Variants in TNIK observed in about 807,000 individuals in gnomAD.
The protein encoded by TNIK is TRAF2 and NCK interacting kinase.
TNIK carries 49 observed loss-of-function variants against 191.3 expected under a neutral mutation model. The ratio of observed to expected loss-of-function variants is 0.26; its 90% confidence interval spans 0.20 to 0.32. The LOEUF is 0.32. TNIK is among the 10% of genes least tolerant of loss of function. TNIK has a pLI of 1.00. For synonymous variants in TNIK, 594 were observed against 600.9 expected, an observed-to-expected ratio of 0.99 and a Z score of 0.17; for missense variants, 1,155 against 1,702.3, an observed-to-expected ratio of 0.68 and a Z score of 5.66.
chr3:171,264,525 T>C (rs1748138812), intron 2 of TNIK, among the ~76,000 whole-genome samples: 1 of 151,936 alleles, frequency 6.6e-6, no homozygotes, highest in Admixed American at 6.6e-5. Context: ...CCGACTAATT[T>C]TGTATTTTTA....
At chr3:171,243,482 C>A (rs1745225776) in intron 2 of TNIK, among the ~76,000 whole-genome samples, 1 of 151,436 alleles carries the variant, frequency 6.6e-6, no homozygotes, top group South Asian at 2.1e-4. Flanking sequence ...TTACACAACT[C>A]CAAAAAGCAC....
At chr3:171,161,930 T>A (rs985551333) in intron 10 of TNIK, among the ~76,000 whole-genome samples, 2 of 151,734 alleles carry the variant, frequency 1.3e-5, no homozygotes, top group African/African-American at 4.8e-5. Context: ...AAAATAATAA[T>A]ATAATAATAA....
intron 2 of TNIK, among the ~76,000 whole-genome samples, chr3:171,294,895 T>C (rs1752092405): frequency 6.6e-6 from 1 of 152,060 alleles, no homozygotes; most frequent in Non-Finnish European, 1.5e-5. Flanking sequence ...TACTTGGGTG[T>C]TTCTAGTTTG....
Position 171,128,703 on chromosome 3 carries a change from G to A in TNIK, c.1773+11C>T. 6.2e-7 allele frequency: 1 copy of A among 1,603,100 alleles called. No homozygotes were observed. Among genetic ancestry groups the A allele is most frequent in the Non-Finnish European group, 8.5e-7 (1 of 1,174,298 alleles). ...TATTGGAATGCCTGATGGAATGGAGGCAGACTGTACCTGGGGATCGACTGG... is the reference window on the plus strand; with the variant it reads ...TATTGGAATGCCTGATGGAATGGAGACAGACTGTACCTGGGGATCGACTGG... On this transcript the variant is annotated intron_variant, in intron 16 of 32. Coordinates refer to ENST00000436636, the MANE Select transcript of TNIK (RefSeq NM_015028.4).
intron 2 of TNIK, among the ~76,000 whole-genome samples, chr3:171,321,162 A>G (rs1755130070): frequency 6.6e-6 from 1 of 152,222 alleles, no homozygotes; most frequent in South Asian, 2.1e-4. Flanking sequence ...ATTTCTTTGA[A>G]AATCATGCAT....
intron 2 of TNIK, among the ~76,000 whole-genome samples, chr3:171,307,425 C>T (rs755232062): frequency 1.2e-4 from 19 of 152,142 alleles, no homozygotes; most frequent in Non-Finnish European, 2.2e-4. Flanking sequence ...TCAAGAAGTT[C>T]CTTGTGATAT....
intron 1 of TNIK, among the ~76,000 whole-genome samples, chr3:171,456,559 C>T (rs1368631259): frequency 1.3e-5 from 2 of 152,182 alleles, no homozygotes. Flanking sequence ...GAGACATGCT[C>T]TGATGGACAC....
At chr3:171,141,862 G>A (rs914090402) in intron 12 of TNIK, among the ~76,000 whole-genome samples, 2 of 152,192 alleles carry the variant, frequency 1.3e-5, no homozygotes, top group Non-Finnish European at 2.9e-5. Flanking sequence ...AGACTTCATT[G>A]CATAGCTTAG....
intron 1 of TNIK, among the ~76,000 whole-genome samples, chr3:171,385,815 A>G (rs1274419003): frequency 1.3e-5 from 2 of 152,240 alleles, no homozygotes; most frequent in Non-Finnish European, 2.9e-5. Flanking sequence ...TTATTTCTAG[A>G]AATCAGGATT....
At chr3:171,177,493 A>G (rs1297247616) in intron 7 of TNIK, 113 bp from the exon 8 acceptor site, 3 of 1,307,422 alleles carry the variant, frequency 2.3e-6, no homozygotes, top group Non-Finnish European at 3.1e-6. Flanking sequence ...TTCTGTTTAC[A>G]AACCTATTTC....
chr3:171,115,289 ATTAT>A (rs1323875520), intron 18 of TNIK, among the ~76,000 whole-genome samples: 1 of 152,192 alleles, frequency 6.6e-6, no homozygotes. Context: ...CACTCCTTTG[ATTAT>A]TTAGCCAAAA....
chr3:171,282,337 T>TC (rs1750537074), intron 2 of TNIK, among the ~76,000 whole-genome samples: 1 of 124,808 alleles, frequency 8.0e-6, no homozygotes, highest in African/African-American at 3.2e-5. Flanking sequence ...CTTAATGGTT[T>TC]TTTGTTTTTT....
At chr3:171,228,132 T>C in intron 3 of TNIK, 33 bp downstream of exon 3, 2 of 1,612,254 alleles carry the variant, frequency 1.2e-6, no homozygotes, top group Non-Finnish European at 1.7e-6. Flanking sequence ...AGCATCTGCA[T>C]GGCTATTGAG....
At position 171,460,207 on chromosome 3, in the gene TNIK, C is replaced by G; in HGVS notation, c.-144G>C. The G allele has an allele frequency of 9.5e-7, 1 of 1,047,304 alleles. No homozygotes were observed. The allele number at this position is 1,047,304 out of a possible 1,614,324, so 64.9% of individuals were successfully genotyped here. A position where few individuals can be genotyped will look rare whatever the true frequency, so the allele number is the denominator to read the frequency against. On this transcript the variant is annotated 5_prime_UTR_variant, in exon 1 of 33. Transcript: ENST00000436636. This position sits in a 1 kb window ranked among gnomAD's most constrained non-coding sequence, Gnocchi z 6.8. ...CCAGCCTCCCCCGCCCACCCCAGCC[C>G]CACAGCGCCGGATCCCGATCCTCCG...
chr3:171,325,623 T>C (rs1237268418), intron 2 of TNIK, among the ~76,000 whole-genome samples: 3 of 151,178 alleles, frequency 2.0e-5, no homozygotes, highest in African/African-American at 7.3e-5. Context: ...TGTTATTGTT[T>C]ATCTGAAATT....
At chr3:171,158,624 T>C (rs1287746496) in intron 11 of TNIK, among the ~76,000 whole-genome samples, 1 of 152,208 alleles carries the variant, frequency 6.6e-6, no homozygotes, top group African/African-American at 2.4e-5. Context: ...GAGCACCTGC[T>C]ATGTGGCAGT....
chr3:171,323,383 ACT>A (rs1023483938), intron 2 of TNIK, among the ~76,000 whole-genome samples: 6 of 152,026 alleles, frequency 3.9e-5, no homozygotes, highest in African/African-American at 9.6e-5. Context: ...CCTTCAGAAA[ACT>A]CTATCAGGCT....
chr3:171,375,544 AT>A (rs35781873), intron 1 of TNIK, among the ~76,000 whole-genome samples: 5,785 of 152,244 alleles, frequency 0.038, 325 homozygotes, highest in African/African-American at 0.13. Flanking sequence ...AGCTGATGAA[AT>A]TTAGATGGCA....
chr3:171,164,045 T>G (rs1031522469), intron 10 of TNIK, among the ~76,000 whole-genome samples: 2 of 152,244 alleles, frequency 1.3e-5, no homozygotes, highest in African/African-American at 2.4e-5. Flanking sequence ...TCTCATTTGA[T>G]CAAACACCAT....
Sources: allele counts gnomAD v4.1 joint callset (sites outside exome capture counted in the v4.1 genomes callset), GRCh38; gene constraint gnomAD v4.1.1; non-coding constraint Gnocchi (gnomAD v3.1); transcripts MANE v1.5; gene names NCBI Gene and HGNC (gene_info 2026-07-23, HGNC 2026-07-21).